Variants in CCDC85A observed in about 807,000 individuals in gnomAD.
The protein encoded by CCDC85A is coiled-coil domain containing 85A.
In CCDC85A, 38 loss-of-function variants were observed where a neutral mutation model predicts 50.2. The observed-to-expected ratio is 0.76, with a 90% CI of 0.58 to 0.99. The LOEUF is 0.99. Ranked by LOEUF, CCDC85A falls within the 50% of genes least tolerant of loss-of-function variation. The pLI, the probability that CCDC85A is intolerant of heterozygous loss-of-function variation, is 0.00. For synonymous variants in CCDC85A, 366 were observed against 301.4 expected (o/e 1.21, Z -2.22); for missense variants, 820 against 742.0 (o/e 1.11, Z -1.22).
intron 2 of CCDC85A, among the ~76,000 whole-genome samples, chr2:56,261,220 C>G (rs1670204263): frequency 6.6e-6 from 1 of 152,180 alleles, no homozygotes; most frequent in Admixed American, 6.5e-5. Context: ...ACTTTAAAAA[C>G]CATAATGCCA....
Position 56,207,270 on chromosome 2 carries a change from G to T in CCDC85A, c.1240+13830G>T, listed in dbSNP as rs552919749. On this transcript the variant is annotated intron_variant, in intron 2 of 5. Transcript: ENST00000407595. ...CTGGAAGGTCTGTGGAGCCTCCCTG[G>T]GGCTGTTAGGAGTGCATAGGGAAGA... Among the ~76,000 whole-genome samples the T allele has an allele frequency of 9.9e-5, 15 of 152,198 alleles. 1 individual carries two copies. The highest frequency in any genetic ancestry group is 3.6e-4 in the African/African-American group (15 of 41,536).
At chr2:56,276,412 T>A (rs531880215) in intron 2 of CCDC85A, among the ~76,000 whole-genome samples, 1 of 152,204 alleles carries the variant, frequency 6.6e-6, no homozygotes, top group East Asian at 1.9e-4. Flanking sequence ...TCATCTTGAA[T>A]TGTAACTCCT....
chr2:56,185,091 C>A (rs1024410117), intron 1 of CCDC85A, among the ~76,000 whole-genome samples, 191 bp downstream of exon 1: 5 of 151,140 alleles, frequency 3.3e-5, no homozygotes, highest in African/African-American at 7.3e-5. Flanking sequence ...TGCTCCCCTC[C>A]TCTCCCCAAC....
chr2:56,237,855 A>G (rs1444324723), intron 2 of CCDC85A, among the ~76,000 whole-genome samples: 2 of 151,988 alleles, frequency 1.3e-5, no homozygotes, highest in East Asian at 3.9e-4. Context: ...GCCTATTCGG[A>G]ATGGTCTAAT....
rs1672611612 is a variant in CCDC85A at position 56,309,863 on chromosome 2, A to G, written c.1241-33016A>G. ...ATCACAGCATGGTTGGCTGAATGTC[A>G]GCTTCATGTACAGACTTTTTATGGC... is the stretch of plus-strand genomic sequence containing the variant. On this transcript the variant is annotated intron_variant, in intron 2 of 5. Coordinates refer to ENST00000407595, the MANE Select transcript of CCDC85A (RefSeq NM_001080433.2). Among the ~76,000 whole-genome samples, 2 of 152,138 alleles carry G rather than the reference A, an allele frequency of 1.3e-5. 1 individual carries two copies. The highest frequency in any genetic ancestry group is 1.3e-4 in the Admixed American group (2 of 15,240).
At chr2:56,371,643 T>G (rs985386145) in intron 3 of CCDC85A, among the ~76,000 whole-genome samples, 2 of 152,148 alleles carry the variant, frequency 1.3e-5, no homozygotes, top group Non-Finnish European at 2.9e-5. Context: ...AATAGGATTA[T>G]ACAGTTTGGT....
At chr2:56,374,652 G>C (rs1402629516) in intron 4 of CCDC85A, among the ~76,000 whole-genome samples, 1 of 152,052 alleles carries the variant, frequency 6.6e-6, no homozygotes, top group African/African-American at 2.4e-5. Flanking sequence ...CTGTGAAAAA[G>C]ATAAAATGTC....
chr2:56,271,351 T>G (rs1670688052), intron 2 of CCDC85A, among the ~76,000 whole-genome samples: 1 of 152,058 alleles, frequency 6.6e-6, no homozygotes, highest in Non-Finnish European at 1.5e-5. Flanking sequence ...TAAGCTATAG[T>G]GAAGAGGGGC....
intron 2 of CCDC85A, among the ~76,000 whole-genome samples, chr2:56,257,745 G>A (rs1670046449): frequency 1.3e-5 from 2 of 152,198 alleles, no homozygotes; most frequent in Admixed American, 1.3e-4. Context: ...AAGGCAGGGA[G>A]ATGAGTTAGG....
At chr2:56,304,964 G>A (rs866093140) in intron 2 of CCDC85A, among the ~76,000 whole-genome samples, 4 of 151,306 alleles carry the variant, frequency 2.6e-5, no homozygotes, top group Admixed American at 6.6e-5. Flanking sequence ...AAACCTGGGC[G>A]TGGTGGTGTG....
intron 2 of CCDC85A, among the ~76,000 whole-genome samples, chr2:56,277,821 A>G (rs1175435563): frequency 6.6e-6 from 1 of 152,202 alleles, no homozygotes; most frequent in African/African-American, 2.4e-5. Flanking sequence ...TGAAAGTAGC[A>G]CTTACCTCCC....
chr2:56,347,895 T>A (rs1010314199), intron 3 of CCDC85A, among the ~76,000 whole-genome samples: 1 of 152,232 alleles, frequency 6.6e-6, no homozygotes, highest in South Asian at 2.1e-4. Context: ...GATATGTTTA[T>A]ATGCTGCATG....
chr2:56,245,604 T>G (rs547529182), intron 2 of CCDC85A, among the ~76,000 whole-genome samples: 42 of 152,216 alleles, frequency 2.8e-4, no homozygotes, highest in Non-Finnish European at 5.3e-4. Context: ...GGACCACTGG[T>G]GGAGGCTTCT....
chr2:56,333,081 C>T (rs1179771438), intron 2 of CCDC85A, among the ~76,000 whole-genome samples: 3 of 152,080 alleles, frequency 2.0e-5, no homozygotes, highest in South Asian at 2.1e-4. Flanking sequence ...GAGAAACAGG[C>T]CTTATATAAT....
chr2:56,331,751 C>A (rs1168505781), intron 2 of CCDC85A, among the ~76,000 whole-genome samples: 1 of 152,236 alleles, frequency 6.6e-6, no homozygotes, highest in Non-Finnish European at 1.5e-5. Flanking sequence ...ACAGCACTTG[C>A]ATGGCAGTAA....
intron 3 of CCDC85A, among the ~76,000 whole-genome samples, chr2:56,364,209 T>A (rs1280056267): frequency 6.6e-6 from 1 of 152,198 alleles, no homozygotes; most frequent in East Asian, 1.9e-4. Context: ...ACAGAGACAC[T>A]GGGTGTTTTC....
chr2:56,200,529 C>T (rs950593221), intron 2 of CCDC85A, among the ~76,000 whole-genome samples: 2 of 152,174 alleles, frequency 1.3e-5, no homozygotes, highest in Admixed American at 6.5e-5. Context: ...GTTCAAGTTA[C>T]TGCTGCTCCT....
chr2:56,373,560 T>C (rs1676188171), intron 4 of CCDC85A, among the ~76,000 whole-genome samples: 1 of 152,270 alleles, frequency 6.6e-6, no homozygotes, highest in Non-Finnish European at 1.5e-5. Flanking sequence ...AAAAGGATGG[T>C]ATTATTGATA....
Position 56,209,539 on chromosome 2 carries a change from A to G in CCDC85A, c.1240+16099A>G, listed in dbSNP as rs74727048. Among the ~76,000 whole-genome samples the G allele has an allele frequency of 1.0e-3, 158 of 151,926 alleles. 2 individuals carry two copies. The East Asian group carries it at 0.026, about 25-fold the overall frequency. On this transcript the variant is annotated intron_variant, in intron 2 of 5. Coordinates refer to ENST00000407595, the MANE Select transcript of CCDC85A (RefSeq NM_001080433.2). Reference sequence around the variant, plus strand: ...GTTGATTGTTTAATACTTTGGGGCAAAGGTTTTAATCTATAGTGGACTATA... The same window carrying G: ...GTTGATTGTTTAATACTTTGGGGCAGAGGTTTTAATCTATAGTGGACTATA...
Sources: gnomAD v4.1 joint callset for allele counts (sites outside exome capture counted in the v4.1 genomes callset) on GRCh38, gnomAD v4.1.1 for gene constraint, MANE v1.5 for transcripts, NCBI Gene and HGNC (gene_info 2026-07-23, HGNC 2026-07-21) for gene names.